LSM4: variants seen among roughly 807,000 people sequenced by gnomAD.
The protein encoded by LSM4 is LSM4 homolog, U6 small nuclear RNA and mRNA degradation associated, also known as U6 snRNA-associated Sm-like protein LSm4.
Under a neutral mutation model 22.3 loss-of-function variants are expected in LSM4, and 15 were observed. That is an observed-to-expected ratio of 0.67 (90% confidence interval 0.45 to 1.03). The LOEUF is 1.03. LSM4 is among the 50% of genes least tolerant of loss of function. The pLI, the probability that LSM4 is intolerant of heterozygous loss-of-function variation, is 0.00. For synonymous variants in LSM4, 90 were observed against 79.8 expected, an observed-to-expected ratio of 1.13 and a Z score of -0.68; for missense variants, 127 against 198.0, an observed-to-expected ratio of 0.64 and a Z score of 2.15.
At chr19:18,317,163 AG>A (rs1416317617) in intron 1 of LSM4, among the ~76,000 whole-genome samples, 2 of 150,468 alleles carry the variant, frequency 1.3e-5, no homozygotes, top group East Asian at 4.0e-4. Context: ...TGGGATTATT[AG>A]GGGTGCACCA....
chr19:18,318,660 G>A (rs1484478327), intron 1 of LSM4, among the ~76,000 whole-genome samples: 2 of 152,244 alleles, frequency 1.3e-5, no homozygotes, highest in Non-Finnish European at 2.9e-5. Context: ...TGGATCACCA[G>A]GGAAGGCGCA....
intron 1 of LSM4, among the ~76,000 whole-genome samples, chr19:18,321,930 C>G (rs1308711134): frequency 6.6e-6 from 1 of 152,176 alleles, no homozygotes; most frequent in Non-Finnish European, 1.5e-5. Flanking sequence ...AATTATCTTT[C>G]AAAACTCGGA....
chr19:18,321,069 A>C (rs1970419972), intron 1 of LSM4, among the ~76,000 whole-genome samples: 1 of 152,174 alleles, frequency 6.6e-6, no homozygotes, highest in Non-Finnish European at 1.5e-5. Flanking sequence ...AGGGAACTGG[A>C]AGTGTGTATC....
chr19:18,312,217 C>T (rs56240721), intron 3 of LSM4: 104,110 of 164,154 alleles, frequency 0.63, 34,376 homozygotes, highest in South Asian at 0.81. Context: ...CCCGGACATC[C>T]CAGGGCCACA....
rs761883527 is a variant in LSM4 at position 18,309,666 on chromosome 19, G to A, written c.328+12C>T. On this transcript the variant is annotated intron_variant, in intron 4 of 4. Coordinates refer to ENST00000593829, the MANE Select transcript of LSM4 (RefSeq NM_012321.5). ...CCGCCCCAGGTACGTCCACTGGAGA[G>A]GGGAGACCCACCTCGGCCAGCGCCG... 3 of 1,591,632 alleles carry A rather than the reference G, an allele frequency of 1.9e-6. 1 individual carries two copies. The Admixed American group carries it at 5.5e-5, about 29-fold the overall frequency.
intron 1 of LSM4, 51 bp downstream of exon 1, chr19:18,322,967 C>G (rs1257994170): frequency 1.3e-6 from 2 of 1,588,818 alleles, no homozygotes; most frequent in South Asian, 1.1e-5. Context: ...GGGATCCCAA[C>G]GACTGCTGTT....
chr19:18,315,299 G>A (rs988508501), intron 2 of LSM4, among the ~76,000 whole-genome samples: 6 of 152,006 alleles, frequency 3.9e-5, no homozygotes, highest in Non-Finnish European at 5.9e-5. Context: ...ACAGGTGCAC[G>A]CCACTACACC....
intron 3 of LSM4, 92 bp downstream of exon 3, chr19:18,312,512 C>G (rs1970309085): frequency 6.3e-6 from 7 of 1,107,976 alleles, no homozygotes; most frequent in African/African-American, 1.5e-5. Flanking sequence ...CGGCCTCCCC[C>G]ACTGACTCCT....
intron 4 of LSM4, among the ~76,000 whole-genome samples, 163 bp from the exon 5 acceptor site, chr19:18,307,718 G>A (rs1418478941): frequency 2.0e-5 from 3 of 152,122 alleles, no homozygotes; most frequent in African/African-American, 7.2e-5. Flanking sequence ...CCGTGGGGCA[G>A]AGCATCTGAG....
chr19:18,309,338 C>T (rs1410293648), intron 4 of LSM4: 2 of 318,258 alleles, frequency 6.3e-6, no homozygotes, highest in Non-Finnish European at 1.1e-5. Flanking sequence ...TGGGGGCGGG[C>T]GACCTTGGCT....
At chr19:18,308,455 C>CA (rs1319510544) in intron 4 of LSM4, among the ~76,000 whole-genome samples, 3 of 152,236 alleles carry the variant, frequency 2.0e-5, no homozygotes, top group African/African-American at 7.2e-5. Context: ...TTGAGGAAAT[C>CA]AAAGCTGGAG....
chr19:18,319,799 T>C (rs964418246), intron 1 of LSM4, among the ~76,000 whole-genome samples: 1 of 152,176 alleles, frequency 6.6e-6, no homozygotes, highest in African/African-American at 2.4e-5. Context: ...CTCTGCCTCA[T>C]GGGTGTTTGT....
chr19:18,315,551 C>A (rs1970344592), intron 2 of LSM4, among the ~76,000 whole-genome samples: 1 of 151,986 alleles, frequency 6.6e-6, no homozygotes, highest in African/African-American at 2.4e-5. Flanking sequence ...CATTAATTTT[C>A]TTTTTCTAGA....
chr19:18,313,434 A>T (rs186375780), intron 2 of LSM4, among the ~76,000 whole-genome samples: 1 of 151,966 alleles, frequency 6.6e-6, no homozygotes, highest in African/African-American at 2.4e-5. Context: ...TGCAATAATT[A>T]CTCATCTATT....
At chr19:18,310,064 G>A in intron 3 of LSM4, 1 of 566,056 alleles carries the variant, frequency 1.8e-6, no homozygotes. Context: ...CCTTCACCCA[G>A]GAGCAAGGGT....
At chr19:18,310,922 T>C (rs1970291906) in intron 3 of LSM4, among the ~76,000 whole-genome samples, 1 of 152,070 alleles carries the variant, frequency 6.6e-6, no homozygotes, top group African/African-American at 2.4e-5. Flanking sequence ...TTGCACGTGG[T>C]TTTCCCACTT....
rs548859605 is a variant in LSM4, at chr19:18,307,128, G to T, written c.*336C>A. 3.9e-6 allele frequency: 1 copy of T among 253,298 alleles called. No individual in the cohort carries two copies. The highest frequency in any genetic ancestry group is 2.2e-5 in the African/African-American group (1 of 44,936). The allele number at this position is 253,298 out of a possible 1,614,324, so 15.7% of individuals were successfully genotyped here. On this transcript the variant is annotated 3_prime_UTR_variant, in exon 5 of 5. Transcript: ENST00000593829. ...TCCCGTCTGGTTGCTGCTCGGAGAG[G>T]CTCCAAGAAATGCAAAACAAACCCG...
intron 3 of LSM4, among the ~76,000 whole-genome samples, chr19:18,311,609 G>A (rs1296210123): frequency 6.6e-6 from 1 of 152,192 alleles, no homozygotes. Flanking sequence ...GCAGATGGGA[G>A]GCACGCGGTT....
intron 3 of LSM4, among the ~76,000 whole-genome samples, chr19:18,310,676 G>A (rs921055582): frequency 2.0e-5 from 3 of 152,098 alleles, no homozygotes; most frequent in Admixed American, 1.3e-4. Flanking sequence ...ACCCACGCAC[G>A]ACGCCTGGAT....
Sources: allele counts gnomAD v4.1 joint callset (sites outside exome capture counted in the v4.1 genomes callset), GRCh38; gene constraint gnomAD v4.1.1; transcripts MANE v1.5; gene names NCBI Gene and HGNC (gene_info 2026-07-23, HGNC 2026-07-21).